The following DMD variants were observed in gnomAD, a reference collection of about 807,000 sequenced individuals.
DMD encodes the protein dystrophin.
DMD carries 63 observed loss-of-function variants against 330.1 expected under a neutral mutation model. That is an observed-to-expected ratio of 0.19 (90% CI 0.16 to 0.24). The LOEUF (loss-of-function observed/expected upper bound fraction) is 0.24. Among genes scored for constraint, DMD ranks in the 10% least tolerant of loss-of-function variants. DMD has a pLI of 1.00. For synonymous variants in DMD, 1,223 were observed against 959.8 expected, an observed-to-expected ratio of 1.27 and a Z score of -5.07; for missense variants, 3,344 against 2,684.1, an observed-to-expected ratio of 1.25 and a Z score of -5.43.
intron 15 of DMD, among the ~76,000 whole-genome samples, chrX:32,571,127 T>G (rs1043526351): frequency 8.9e-6 from 1 of 111,838 alleles, no homozygotes; most frequent in African/African-American, 3.2e-5. Context: ...ATCACCATTA[T>G]GATTGACCGT....
intron 1 of DMD, among the ~76,000 whole-genome samples, chrX:33,268,165 T>G (rs1330868705): frequency 9.1e-6 from 1 of 110,134 alleles, no homozygotes; most frequent in Non-Finnish European, 1.9e-5. Context: ...AATTTTTGTA[T>G]TTTTGGTAGA....
At chrX:33,326,746 T>C (rs933736445) in intron 1 of DMD, among the ~76,000 whole-genome samples, 82 of 111,844 alleles carry the variant, frequency 7.3e-4, no homozygotes, top group African/African-American at 2.5e-3. Context: ...GAGATAAGCC[T>C]AGCAGCCTTG....
chrX:31,592,332 T>TA (rs993149205), intron 55 of DMD, among the ~76,000 whole-genome samples: 23 of 100,178 alleles, frequency 2.3e-4, no homozygotes, highest in Middle Eastern at 5.1e-3. Context: ...GTAGGCACAG[T>TA]AAAAAAAAAG....
chrX:32,456,253 C>T (rs1053833604), intron 25 of DMD, among the ~76,000 whole-genome samples: 5 of 110,809 alleles, frequency 4.5e-5, no homozygotes, highest in South Asian at 7.5e-4. Context: ...AGGTTCTTTA[C>T]TTACCTAGGT....
intron 47 of DMD, among the ~76,000 whole-genome samples, chrX:31,909,781 A>G (rs1192999297): frequency 1.8e-5 from 2 of 112,584 alleles, no homozygotes; most frequent in African/African-American, 6.4e-5. Context: ...GTTAACAAAT[A>G]ATAGTTTTCT....
At chrX:32,580,143 C>G (rs2149178018) in intron 13 of DMD, among the ~76,000 whole-genome samples, 1 of 110,872 alleles carries the variant, frequency 9.0e-6, no homozygotes, top group Admixed American at 9.6e-5. Context: ...TTCCTTCCAG[C>G]ATTCATCACA....
intron 44 of DMD, among the ~76,000 whole-genome samples, chrX:32,145,044 GTCAA>G (rs767872255): frequency 2.7e-5 from 3 of 111,615 alleles, no homozygotes; most frequent in African/African-American, 6.5e-5. Flanking sequence ...CAATGAATCA[GTCAA>G]TCAATCAATC....
chrX:32,901,951 T>G (rs1182784726), intron 2 of DMD, among the ~76,000 whole-genome samples: 1 of 110,423 alleles, frequency 9.1e-6, no homozygotes, highest in Non-Finnish European at 1.9e-5. Context: ...CGCTCTTCAG[T>G]TTTATTATGA....
rs61394183 is a variant in DMD, at chrX:32,585,699, C to CAAAAAAA, written c.1602+10051_1602+10057dup. Among the ~76,000 whole-genome samples the CAAAAAAA allele has an allele frequency of 8.3e-3, 265 of 31,943 alleles. 21 individuals are homozygous for CAAAAAAA. Among genetic ancestry groups the CAAAAAAA allele is most frequent in the Non-Finnish European group, 0.012 (220 of 17,965 alleles). The allele number at this position is 31,943 out of a possible 115,157, so 27.7% of individuals were successfully genotyped here. ...TGGGTGACAGAGCAGGACTCCGTCT[C>CAAAAAAA]AAAAAAAAAAAAAAAAAAAAAAAAA... On this transcript the variant is annotated intron_variant, in intron 13 of 78. Coordinates refer to ENST00000357033, the MANE Select transcript of DMD (RefSeq NM_004006.3).
chrX:31,425,162 G>T (rs942097507), intron 60 of DMD, among the ~76,000 whole-genome samples: 1 of 111,899 alleles, frequency 8.9e-6, no homozygotes, highest in Admixed American at 9.5e-5. Context: ...GTTCCAACTT[G>T]TCTAAATTTC....
At chrX:32,217,558 A>C (rs1230220820) in intron 43 of DMD, among the ~76,000 whole-genome samples, 1 of 110,056 alleles carries the variant, frequency 9.1e-6, no homozygotes, top group Non-Finnish European at 1.9e-5. Context: ...AGGAGTAATA[A>C]GTTCTAGTGT....
chrX:31,280,775 T>C (rs1436147655), intron 62 of DMD, among the ~76,000 whole-genome samples: 2 of 111,475 alleles, frequency 1.8e-5, no homozygotes, highest in Non-Finnish European at 3.8e-5. Flanking sequence ...ATTCCGAAAA[T>C]ATCAAAACAT....
chrX:32,096,452 A>G (rs954503407), intron 44 of DMD, among the ~76,000 whole-genome samples: 1 of 111,675 alleles, frequency 9.0e-6, no homozygotes, highest in Non-Finnish European at 1.9e-5. Flanking sequence ...GAATAACGTA[A>G]GAATTATATT....
chrX:32,972,607 T>C (rs1272343156), intron 2 of DMD, among the ~76,000 whole-genome samples: 1 of 112,362 alleles, frequency 8.9e-6, no homozygotes, highest in East Asian at 2.8e-4. Flanking sequence ...AAACTGGGGC[T>C]ATTTTATTCA....
chrX:31,198,108 C>T (rs1172342763), intron 67 of DMD, among the ~76,000 whole-genome samples: 6 of 106,517 alleles, frequency 5.6e-5, no homozygotes, highest in South Asian at 4.2e-4. Context: ...TAGTGAAGAT[C>T]GGGGGATAAA....
intron 52 of DMD, among the ~76,000 whole-genome samples, chrX:31,729,205 G>T (rs1201652246): frequency 1.8e-5 from 2 of 111,699 alleles, no homozygotes; most frequent in Non-Finnish European, 1.9e-5. Flanking sequence ...GAGATATCCA[G>T]ATCTGAAAGT....
At chrX:32,783,151 T>C (rs2074984390) in intron 7 of DMD, among the ~76,000 whole-genome samples, 2 of 98,629 alleles carry the variant, frequency 2.0e-5, no homozygotes, top group Non-Finnish European at 4.1e-5. Context: ...ATATATACCA[T>C]ATATATAGAT....
At chrX:31,537,101 A>C (rs1442504572) in intron 55 of DMD, among the ~76,000 whole-genome samples, 1 of 112,342 alleles carries the variant, frequency 8.9e-6, no homozygotes, top group African/African-American at 3.2e-5. Context: ...AGTTCTCCAT[A>C]ATCAACACTG....
chrX:31,767,638 G>A (rs1414299816), intron 51 of DMD, among the ~76,000 whole-genome samples: 2 of 111,628 alleles, frequency 1.8e-5, no homozygotes, highest in Non-Finnish European at 3.8e-5. Context: ...GAAACATTCT[G>A]TTTTGTATTG....
Sources: gnomAD v4.1 joint callset for allele counts (sites outside exome capture counted in the v4.1 genomes callset) on GRCh38, gnomAD v4.1.1 for gene constraint, MANE v1.5 for transcripts, NCBI Gene and HGNC (gene_info 2026-07-23, HGNC 2026-07-21) for gene names.